Variants in ROBO1 observed in about 807,000 individuals in gnomAD.
The protein encoded by ROBO1 is roundabout guidance receptor 1.
A neutral mutation model predicts 195.9 loss-of-function variants in ROBO1; 149 were observed. That is an observed-to-expected ratio of 0.76 (90% confidence interval 0.67 to 0.87). The LOEUF (loss-of-function observed/expected upper bound fraction) is 0.87. Ranked by LOEUF, ROBO1 falls within the 40% of genes least tolerant of loss-of-function variation. The pLI is 0.00. For missense variants in ROBO1, 1,933 were observed against 2,068.3 expected (o/e 0.93, Z 1.27); for synonymous variants, 816 against 733.2 (o/e 1.11, Z -1.82).
At chr3:79,005,674 A>G (rs2077603182) in intron 3 of ROBO1, among the ~76,000 whole-genome samples, 1 of 152,196 alleles carries the variant, frequency 6.6e-6, no homozygotes, top group South Asian at 2.1e-4. Flanking sequence ...AAGATTCCTC[A>G]CAGAAATGCT....
intron 5 of ROBO1, among the ~76,000 whole-genome samples, chr3:78,720,077 T>C (rs2082005199): frequency 6.6e-6 from 1 of 152,170 alleles, no homozygotes; most frequent in Non-Finnish European, 1.5e-5. Context: ...TATAACCTCT[T>C]CTCCCACATA....
intron 3 of ROBO1, among the ~76,000 whole-genome samples, chr3:79,013,638 T>C (rs1559591367): frequency 6.6e-6 from 1 of 152,214 alleles, no homozygotes; most frequent in African/African-American, 2.4e-5. Context: ...GCACAGTAGT[T>C]GAGAGTTTTA....
At chr3:78,829,668 C>G (rs1576247915) in intron 4 of ROBO1, among the ~76,000 whole-genome samples, 1 of 152,218 alleles carries the variant, frequency 6.6e-6, no homozygotes, top group East Asian at 1.9e-4. Flanking sequence ...TGAATGGGCC[C>G]TGAGATTTGT....
intron 3 of ROBO1, among the ~76,000 whole-genome samples, chr3:79,039,572 C>T (rs945569171): frequency 2.0e-5 from 3 of 151,932 alleles, no homozygotes; most frequent in Admixed American, 1.3e-4. Context: ...CCGAGGTGGG[C>T]AGATCACGAG....
rs142548147 is a variant in ROBO1, at chr3:78,724,737, C to T, written c.658-6854G>A. 5.1e-3 allele frequency among the ~76,000 whole-genome samples: 782 copies of T among 152,068 alleles called. 2 individuals carry two copies. Among genetic ancestry groups the T allele is most frequent in the Admixed American group, 8.4e-3 (128 of 15,272 alleles). On this transcript the variant is annotated intron_variant, in intron 5 of 30. Coordinates refer to ENST00000464233, the MANE Select transcript of ROBO1 (RefSeq NM_002941.4). ...TCTTATGTTGAGTCATATAAAAATACTGATTGTAAATTTAGGGTGAGTTTA... is the reference window on the plus strand; with the variant it reads ...TCTTATGTTGAGTCATATAAAAATATTGATTGTAAATTTAGGGTGAGTTTA...
At chr3:78,910,651 G>A (rs75605321) in intron 4 of ROBO1, among the ~76,000 whole-genome samples, 6,903 of 151,968 alleles carry the variant, frequency 0.045, 454 homozygotes, top group African/African-American at 0.14. Flanking sequence ...GGATATGACC[G>A]TGGTCTACAT....
In ROBO1 at chr3:79,469,121, C is replaced by T. The variant is rs77961369; in HGVS notation, c.88+120703G>A. On this transcript the variant is annotated intron_variant, in intron 2 of 30. Coordinates refer to ENST00000464233, the MANE Select transcript of ROBO1 (RefSeq NM_002941.4). ...TAGAAATCAGTTTGATTATCAGTGG[C>T]AAATATCTCTTGGAAAATAATGGGG... 1.1e-3 allele frequency among the ~76,000 whole-genome samples: 163 copies of T among 151,952 alleles called. 2 individuals are homozygous for T. In the East Asian group the frequency reaches 0.027, roughly 25 times the overall value.
chr3:79,477,129 T>C (rs1205508675), intron 2 of ROBO1, among the ~76,000 whole-genome samples: 2 of 152,156 alleles, frequency 1.3e-5, no homozygotes, highest in Non-Finnish European at 2.9e-5. Flanking sequence ...AAGTCACTGG[T>C]ACTGCTAATA....
intron 28 of ROBO1, among the ~76,000 whole-genome samples, chr3:78,612,343 G>A (rs1703867764): frequency 6.6e-6 from 1 of 152,086 alleles, no homozygotes; most frequent in Non-Finnish European, 1.5e-5. Context: ...ACAATCGGTA[G>A]CTCTTTAAAT....
chr3:79,753,897 C>T (rs1267190997), intron 1 of ROBO1, among the ~76,000 whole-genome samples: 1 of 152,112 alleles, frequency 6.6e-6, no homozygotes. Flanking sequence ...GTTGATTTGG[C>T]AACTTTAAAC....
chr3:79,554,277 A>C (rs1942623148), intron 2 of ROBO1, among the ~76,000 whole-genome samples: 2 of 152,096 alleles, frequency 1.3e-5, no homozygotes, highest in South Asian at 4.1e-4. Context: ...TGGTACTTAA[A>C]GAGCTTATAA....
rs191486726 is a variant in ROBO1, at chr3:79,500,163, C to A, written c.88+89661G>T. ...TTTTTTTTTTTGAGAAGAAGTCTCG[C>A]TCTGTCGCCCAGGTTGGAGTGCAAT... On this transcript the variant is annotated intron_variant, in intron 2 of 30. Transcript: ENST00000464233. Among the ~76,000 whole-genome samples the A allele has an allele frequency of 5.0e-3, 589 of 117,818 alleles. 3 individuals are homozygous for A. Among genetic ancestry groups the A allele is most frequent in the African/African-American group, 0.016 (494 of 30,448 alleles). 77.3% of individuals were successfully genotyped at this position (117,818 alleles called of 152,430 possible).
chr3:79,703,237 A>G (rs1947669924), intron 1 of ROBO1, among the ~76,000 whole-genome samples: 1 of 151,832 alleles, frequency 6.6e-6, no homozygotes, highest in Non-Finnish European at 1.5e-5. Flanking sequence ...CTTAAAATGT[A>G]TTATTTCTAT....
At chr3:79,160,005 C>T (rs2080927532) in intron 2 of ROBO1, among the ~76,000 whole-genome samples, 1 of 151,992 alleles carries the variant, frequency 6.6e-6, no homozygotes, top group Non-Finnish European at 1.5e-5. Context: ...AGGATGTCAA[C>T]AGATAGAAAG....
At chr3:79,743,890 C>A (rs759578215) in intron 1 of ROBO1, among the ~76,000 whole-genome samples, 2 of 152,192 alleles carry the variant, frequency 1.3e-5, no homozygotes, top group Non-Finnish European at 1.5e-5. Context: ...GAGCCGTCGT[C>A]TCTACGGTAA....
At chr3:78,716,803 C>T (rs192454731) in intron 7 of ROBO1, among the ~76,000 whole-genome samples, 2 of 152,238 alleles carry the variant, frequency 1.3e-5, no homozygotes, top group Admixed American at 1.3e-4. Flanking sequence ...CTGATTCGTG[C>T]ATCTCTGCTC....
intron 5 of ROBO1, among the ~76,000 whole-genome samples, chr3:78,744,710 G>T (rs1217812701): frequency 3.3e-5 from 5 of 151,874 alleles, no homozygotes; most frequent in African/African-American, 1.2e-4. Context: ...ATTTTTTGAG[G>T]TTTTTATGTG....
chr3:78,909,177 C>T (rs1342941487), intron 4 of ROBO1, among the ~76,000 whole-genome samples: 3 of 151,748 alleles, frequency 2.0e-5, no homozygotes, highest in Non-Finnish European at 3.0e-5. Flanking sequence ...AAGTTGCCTA[C>T]GCCCTGCGAG....
chr3:78,778,381 A>G (rs917450500), intron 4 of ROBO1, among the ~76,000 whole-genome samples: 6 of 152,018 alleles, frequency 3.9e-5, no homozygotes, highest in Admixed American at 2.0e-4. Flanking sequence ...CTCTTTTTCT[A>G]TTGTTTGGAA....
Sources: allele counts gnomAD v4.1 joint callset (sites outside exome capture counted in the v4.1 genomes callset), GRCh38; gene constraint gnomAD v4.1.1; transcripts MANE v1.5; gene names NCBI Gene and HGNC (gene_info 2026-07-23, HGNC 2026-07-21).